The following ARPP21 variants were observed in gnomAD, a reference collection of about 807,000 sequenced individuals.
The protein encoded by ARPP21 is cAMP regulated phosphoprotein 21, also known as cAMP-regulated phosphoprotein 21.
ARPP21 carries 69 observed loss-of-function variants against 113.2 expected under a neutral mutation model. That is an observed-to-expected ratio of 0.61 (90% CI 0.50 to 0.74). The LOEUF is 0.74. Ranked by LOEUF, ARPP21 falls within the 30% of genes least tolerant of loss-of-function variation. The pLI, the probability that ARPP21 is intolerant of heterozygous loss-of-function variation, is 0.00. For missense variants in ARPP21, 1,070 were observed against 1,037.4 expected (o/e 1.03, Z -0.43); for synonymous variants, 368 against 375.5 (o/e 0.98, Z 0.23).
intron 1 of ARPP21, among the ~76,000 whole-genome samples, chr3:35,657,068 TTACCCCTGG>T (rs1705313322): frequency 6.6e-6 from 1 of 152,114 alleles, no homozygotes; most frequent in Non-Finnish European, 1.5e-5. Flanking sequence ...CTTAACTGTG[TTACCCCTGG>T]TACCCTTCCC....
intron 19 of ARPP21, among the ~76,000 whole-genome samples, chr3:35,764,447 A>T (rs1387637031): frequency 1.3e-5 from 2 of 151,958 alleles, no homozygotes; most frequent in Non-Finnish European, 2.9e-5. Flanking sequence ...TCCTCCAAGT[A>T]TTTTCTTTTC....
At chr3:35,715,686 A>G in intron 12 of ARPP21, 1 of 370,886 alleles carries the variant, frequency 2.7e-6, no homozygotes, top group Non-Finnish European at 4.9e-6. Flanking sequence ...TTAATTCCAA[A>G]CAGAATTGTA....
At chr3:35,791,351 A>G (rs2096743360) in intron 19 of ARPP21, among the ~76,000 whole-genome samples, 1 of 152,168 alleles carries the variant, frequency 6.6e-6, no homozygotes. Context: ...TTTCTCTCAG[A>G]GAATTGTATT....
At chr3:35,706,554 A>G (rs1347299386) in intron 9 of ARPP21, among the ~76,000 whole-genome samples, 3 of 152,230 alleles carry the variant, frequency 2.0e-5, no homozygotes, top group Admixed American at 6.5e-5. Flanking sequence ...AAGATGTGAT[A>G]GAAGATATTC....
At chr3:35,657,456 T>C (rs1705548927) in intron 1 of ARPP21, among the ~76,000 whole-genome samples, 1 of 152,160 alleles carries the variant, frequency 6.6e-6, no homozygotes. Context: ...AAAATGCATA[T>C]GTTTCTCTCA....
intron 1 of ARPP21, among the ~76,000 whole-genome samples, chr3:35,645,101 T>C (rs1575369401): frequency 6.6e-6 from 1 of 151,912 alleles, no homozygotes; most frequent in Admixed American, 6.6e-5. Flanking sequence ...AAAAGTAATA[T>C]ACATTATAAT....
intron 19 of ARPP21, among the ~76,000 whole-genome samples, chr3:35,786,842 GCAGGAA>G (rs1559964479): frequency 6.6e-6 from 1 of 152,044 alleles, no homozygotes; most frequent in Non-Finnish European, 1.5e-5. Flanking sequence ...GAAGTTGGAG[GCAGGAA>G]CATCCATGAC....
chr3:35,656,060 T>C (rs541794713), intron 1 of ARPP21, among the ~76,000 whole-genome samples: 26 of 152,218 alleles, frequency 1.7e-4, no homozygotes, highest in Non-Finnish European at 2.2e-4. Context: ...AACAAACTAA[T>C]CTTAGAATAA....
chr3:35,669,459 T>C (rs2075774633), intron 1 of ARPP21, among the ~76,000 whole-genome samples: 1 of 152,184 alleles, frequency 6.6e-6, no homozygotes, highest in African/African-American at 2.4e-5. Context: ...TTGATTCTTT[T>C]TTGGATAATT....
chr3:35,772,259 C>T (rs960067521), intron 19 of ARPP21, among the ~76,000 whole-genome samples: 11 of 152,144 alleles, frequency 7.2e-5, no homozygotes, highest in Non-Finnish European at 1.0e-4. Flanking sequence ...TGGCAAACAT[C>T]TTCCAGAGCT....
chr3:35,722,678 A>C (rs533543806), intron 14 of ARPP21, among the ~76,000 whole-genome samples: 1 of 152,248 alleles, frequency 6.6e-6, no homozygotes, highest in African/African-American at 2.4e-5. Flanking sequence ...TCAAGTTTGC[A>C]TGAACAGTCT....
chr3:35,708,240 T>C (rs145002552), intron 10 of ARPP21, among the ~76,000 whole-genome samples: 1,783 of 152,186 alleles, frequency 0.012, 35 homozygotes, highest in African/African-American at 0.04. Context: ...ATGGAAAGAA[T>C]AGATGGAAGG....
chr3:35,678,065 C>T (rs2077972954), intron 1 of ARPP21, among the ~76,000 whole-genome samples: 2 of 151,914 alleles, frequency 1.3e-5, no homozygotes, highest in African/African-American at 4.8e-5. Context: ...CTGGTAATTA[C>T]GCATACACAT....
chr3:35,718,160 T>C (rs1168888392), intron 13 of ARPP21, among the ~76,000 whole-genome samples: 2 of 152,198 alleles, frequency 1.3e-5, no homozygotes, highest in African/African-American at 4.8e-5. Flanking sequence ...ATCAGATGAA[T>C]TGAATGTTGA....
At chr3:35,788,589 A>C (rs2096679707) in intron 19 of ARPP21, among the ~76,000 whole-genome samples, 1 of 152,206 alleles carries the variant, frequency 6.6e-6, no homozygotes, top group Non-Finnish European at 1.5e-5. Context: ...CAGCAGGCAT[A>C]CTAGAAATGC....
chr3:35,767,899 A>C (rs1449799174), intron 19 of ARPP21, among the ~76,000 whole-genome samples: 3 of 152,006 alleles, frequency 2.0e-5, no homozygotes, highest in Non-Finnish European at 4.4e-5. Flanking sequence ...ATTATTATTC[A>C]AATCAGCATG....
rs149761084 is a variant in ARPP21, at chr3:35,700,874, C to T, written c.687-6100C>T. Reference sequence around the variant, plus strand: ...ATACTTTCAGTTCTAGGGTACATGTCGGGCAGTGGGGGGCTGGGGGAGGAA... The same window carrying T: ...ATACTTTCAGTTCTAGGGTACATGTTGGGCAGTGGGGGGCTGGGGGAGGAA... On this transcript the variant is annotated intron_variant, in intron 9 of 20. Coordinates refer to ENST00000684406, the MANE Select transcript of ARPP21 (RefSeq NM_001385562.1). 3.8e-3 allele frequency among the ~76,000 whole-genome samples: 577 copies of T among 151,374 alleles called. 7 individuals are homozygous for T. The highest frequency in any genetic ancestry group is 0.013 in the African/African-American group (539 of 41,352).
At chr3:35,698,083 C>G (rs13097782) in intron 9 of ARPP21, among the ~76,000 whole-genome samples, 1 of 151,366 alleles carries the variant, frequency 6.6e-6, no homozygotes, top group Admixed American at 6.6e-5. Context: ...GATCAGAAAC[C>G]TAAGAATCAC....
intron 9 of ARPP21, among the ~76,000 whole-genome samples, chr3:35,702,792 A>G (rs1163726286): frequency 6.6e-6 from 1 of 151,850 alleles, no homozygotes; most frequent in Non-Finnish European, 1.5e-5. Context: ...CTGATAATGC[A>G]AATTGTGAGA....
Sources: gnomAD v4.1 joint callset for allele counts (sites outside exome capture counted in the v4.1 genomes callset) on GRCh38, gnomAD v4.1.1 for gene constraint, MANE v1.5 for transcripts, NCBI Gene and HGNC (gene_info 2026-07-23, HGNC 2026-07-21) for gene names.